The following FAM110B variants were observed in gnomAD, a reference collection of about 807,000 sequenced individuals.
The protein encoded by FAM110B is family with sequence similarity 110 member B, also known as protein FAM110B.
Under a neutral mutation model 20.4 loss-of-function variants are expected in FAM110B, and 6 were observed. The ratio of observed to expected loss-of-function variants is 0.29; its 90% confidence interval spans 0.16 to 0.58. FAM110B has a LOEUF of 0.58. Among genes scored for constraint, FAM110B ranks in the 20% least tolerant of loss-of-function variants. The pLI is 0.90. For synonymous variants in FAM110B, 226 were observed against 214.1 expected, an observed-to-expected ratio of 1.06 and a Z score of -0.49; for missense variants, 434 against 498.2, an observed-to-expected ratio of 0.87 and a Z score of 1.23.
intron 2 of FAM110B, among the ~76,000 whole-genome samples, chr8:58,075,262 C>CTTTTTT (rs67819278): frequency 8.0e-6 from 1 of 125,006 alleles, no homozygotes; most frequent in African/African-American, 3.4e-5. Flanking sequence ...CTAATTTTTG[C>CTTTTTT]TTTTTTTTTT....
intron 2 of FAM110B, among the ~76,000 whole-genome samples, chr8:58,041,027 C>T (rs535731418): frequency 4.7e-5 from 7 of 150,512 alleles, no homozygotes; most frequent in Admixed American, 3.3e-4. Flanking sequence ...TTGCAACCTC[C>T]GCCTCCAGGT....
intron 2 of FAM110B, among the ~76,000 whole-genome samples, chr8:58,058,080 C>G (rs1473400361): frequency 1.3e-5 from 2 of 152,222 alleles, no homozygotes; most frequent in African/African-American, 2.4e-5. Flanking sequence ...TTTACATTCT[C>G]TACAGACAAT....
intron 2 of FAM110B, among the ~76,000 whole-genome samples, chr8:58,057,096 C>G: frequency 6.6e-6 from 1 of 152,162 alleles, no homozygotes; most frequent in East Asian, 1.9e-4. Context: ...TTATTTACAC[C>G]ATGGCCGAGG....
chr8:58,070,693 G>A (rs1563358388), intron 2 of FAM110B, among the ~76,000 whole-genome samples: 1 of 152,182 alleles, frequency 6.6e-6, no homozygotes, highest in Non-Finnish European at 1.5e-5. Context: ...TTGTAGGTGT[G>A]TTTCAGTACC....
intron 1 of FAM110B, among the ~76,000 whole-genome samples, chr8:58,018,667 G>A (rs995218971): frequency 7.9e-5 from 12 of 151,880 alleles, no homozygotes; most frequent in African/African-American, 2.2e-4. Flanking sequence ...CCTATTTTTT[G>A]TATTCTATTT....
At chr8:58,081,922 T>C (rs1806202277) in intron 3 of FAM110B, among the ~76,000 whole-genome samples, 1 of 152,240 alleles carries the variant, frequency 6.6e-6, no homozygotes, top group Non-Finnish European at 1.5e-5. Flanking sequence ...CTTGGAATTA[T>C]TCTTTGCTGT....
intron 3 of FAM110B, among the ~76,000 whole-genome samples, chr8:58,083,167 A>G (rs932246464): frequency 6.6e-6 from 1 of 152,228 alleles, no homozygotes; most frequent in African/African-American, 2.4e-5. Flanking sequence ...TATAAGACAC[A>G]ACAGCACAGG....
At chr8:58,077,134 A>C (rs1806055734) in intron 3 of FAM110B, 1 of 152,216 alleles carries the variant, frequency 6.6e-6, no homozygotes, top group Non-Finnish European at 1.5e-5. Flanking sequence ...CAGATATAAG[A>C]AGCTCTGATA....
At chr8:58,091,025 T>A (rs1806463810) in intron 3 of FAM110B, among the ~76,000 whole-genome samples, 1 of 152,206 alleles carries the variant, frequency 6.6e-6, no homozygotes, top group Admixed American at 6.5e-5. Context: ...TTGGTCTAGA[T>A]GAGGCAGTGC....
intron 3 of FAM110B, among the ~76,000 whole-genome samples, chr8:58,109,509 G>A (rs1013259986): frequency 1.3e-5 from 2 of 152,152 alleles, no homozygotes; most frequent in African/African-American, 4.8e-5. Flanking sequence ...CTATGATACT[G>A]ATCCTGCACA....
chr8:58,091,980 C>G (rs1052678061), intron 3 of FAM110B, among the ~76,000 whole-genome samples: 1 of 152,160 alleles, frequency 6.6e-6, no homozygotes, highest in African/African-American at 2.4e-5. Flanking sequence ...AAAAAGCACT[C>G]AAGTTACAAA....
chr8:58,059,829 A>G (rs1363688252), intron 2 of FAM110B, among the ~76,000 whole-genome samples: 1 of 152,142 alleles, frequency 6.6e-6, no homozygotes, highest in African/African-American at 2.4e-5. Flanking sequence ...TAAGTTTGCA[A>G]AAATAGTCTC....
chr8:58,045,262 A>T (rs1805296729), intron 2 of FAM110B, among the ~76,000 whole-genome samples: 1 of 152,172 alleles, frequency 6.6e-6, no homozygotes, highest in Admixed American at 6.5e-5. Flanking sequence ...GCAGGGTGTC[A>T]GCAAAGTGAC....
chr8:58,121,304 C>G (rs1807355861), intron 3 of FAM110B, among the ~76,000 whole-genome samples: 1 of 152,152 alleles, frequency 6.6e-6, no homozygotes, highest in Non-Finnish European at 1.5e-5. Flanking sequence ...TTGATGTATT[C>G]TCCTGTGGGT....
intron 1 of FAM110B, among the ~76,000 whole-genome samples, chr8:58,004,436 T>C (rs1804361283): frequency 6.6e-6 from 1 of 152,366 alleles, no homozygotes; most frequent in South Asian, 2.1e-4. Flanking sequence ...GTTATGGAGA[T>C]GGCTTCTTTC....
chr8:58,032,404 A>G (rs1802399455), intron 2 of FAM110B: 1 of 152,228 alleles, frequency 6.6e-6, no homozygotes, highest in Non-Finnish European at 1.5e-5. Flanking sequence ...GATAGGTAGC[A>G]TAGAATGCAA....
chr8:58,081,417 C>T (rs1259449771), intron 3 of FAM110B, among the ~76,000 whole-genome samples: 2 of 152,044 alleles, frequency 1.3e-5, no homozygotes, highest in South Asian at 2.1e-4. Flanking sequence ...ATATTGGATA[C>T]GCTGGTCTCG....
chr8:58,032,873 A>G (rs1388194240), intron 2 of FAM110B, among the ~76,000 whole-genome samples: 2 of 152,190 alleles, frequency 1.3e-5, no homozygotes, highest in East Asian at 1.9e-4. Context: ...ATCCACTTCA[A>G]TGTGGCTCTT....
chr8:58,106,932 G>T (rs890247681), intron 3 of FAM110B, among the ~76,000 whole-genome samples: 2 of 152,166 alleles, frequency 1.3e-5, no homozygotes, highest in Non-Finnish European at 2.9e-5. Context: ...GACGATAAGC[G>T]AGTTTTAACG....
Sources: gnomAD v4.1 joint callset for allele counts (sites outside exome capture counted in the v4.1 genomes callset) on GRCh38, gnomAD v4.1.1 for gene constraint, MANE v1.5 for transcripts, NCBI Gene and HGNC (gene_info 2026-07-23, HGNC 2026-07-21) for gene names.